CNTNAP4: variants seen among roughly 807,000 people sequenced by gnomAD.
CNTNAP4 encodes contactin associated protein family member 4, also known as contactin-associated protein-like 4.
A neutral mutation model predicts 148.4 loss-of-function variants in CNTNAP4; 98 were observed. The observed-to-expected ratio is 0.66, with a 90% CI of 0.56 to 0.78. The LOEUF is 0.78. Among genes scored for constraint, CNTNAP4 ranks in the 30% least tolerant of loss-of-function variants. The pLI is 0.00. For synonymous variants in CNTNAP4, 730 were observed against 565.1 expected (o/e 1.29, Z -4.14); for missense variants, 1,935 against 1,565.6 (o/e 1.24, Z -3.98).
chr16:76,493,468 A>T (rs577053699), intron 13 of CNTNAP4, among the ~76,000 whole-genome samples: 1 of 118,384 alleles, frequency 8.4e-6, no homozygotes, highest in East Asian at 2.9e-4. Context: ...TCATTCCTTT[A>T]CTTATTTAAA....
chr16:76,318,451 A>G (rs1216587564), intron 2 of CNTNAP4, among the ~76,000 whole-genome samples: 1 of 152,092 alleles, frequency 6.6e-6, no homozygotes, highest in Non-Finnish European at 1.5e-5. Flanking sequence ...AAAACACAAT[A>G]TCAAACTTCA....
intron 16 of CNTNAP4, 74 bp downstream of exon 16, chr16:76,521,384 T>A: frequency 8.3e-7 from 1 of 1,198,668 alleles, no homozygotes; most frequent in Non-Finnish European, 1.2e-6. Context: ...ATTTTTAAAC[T>A]ACTCATGTGT....
chr16:76,320,674 G>T (rs1962311713), intron 2 of CNTNAP4, among the ~76,000 whole-genome samples: 1 of 152,140 alleles, frequency 6.6e-6, no homozygotes, highest in Non-Finnish European at 1.5e-5. Flanking sequence ...TGTTGTCAAT[G>T]TAGAGTTCAA....
chr16:76,423,750 C>T (rs2079275497), intron 3 of CNTNAP4, among the ~76,000 whole-genome samples: 2 of 151,974 alleles, frequency 1.3e-5, no homozygotes, highest in Admixed American at 1.3e-4. Context: ...AAAATTTCAA[C>T]AAGTGGAGCA....
chr16:76,318,046 T>A (rs1961990265), intron 2 of CNTNAP4, among the ~76,000 whole-genome samples: 1 of 152,182 alleles, frequency 6.6e-6, no homozygotes, highest in Non-Finnish European at 1.5e-5. Flanking sequence ...TCTTTGCAAT[T>A]CTGAGTCCCT....
At chr16:76,315,533 TA>T (rs1396337024) in intron 1 of CNTNAP4, among the ~76,000 whole-genome samples, 3 of 152,244 alleles carry the variant, frequency 2.0e-5, no homozygotes, top group Non-Finnish European at 4.4e-5. Context: ...TATCCTTTTG[TA>T]GTCCCAGTTT....
At chr16:76,370,936 T>A (rs2014743051) in intron 3 of CNTNAP4, among the ~76,000 whole-genome samples, 1 of 150,632 alleles carries the variant, frequency 6.6e-6, no homozygotes, top group South Asian at 2.1e-4. Context: ...AGCGCTCTTC[T>A]GTCCTGGTAA....
In CNTNAP4 at chr16:76,558,822, G is replaced by A; in HGVS notation, c.*139G>A. 1.7e-6 allele frequency: 1 copy of A among 596,442 alleles called. No homozygotes were observed. Among genetic ancestry groups the A allele is most frequent in the Non-Finnish European group, 2.8e-6 (1 of 355,064 alleles). The allele number at this position is 596,442 out of a possible 1,614,324, so 36.9% of individuals were successfully genotyped here. A position where few individuals can be genotyped will look rare whatever the true frequency, so the allele number is the denominator to read the frequency against. ...TGCCATCTTGCCATGTACAGGCTTG[G>A]GGTGGCTCCAGGAAGCCTCGTCCAG... On this transcript the variant is annotated 3_prime_UTR_variant, in exon 24 of 24. Transcript: ENST00000611870.
chr16:76,558,581 G>C lies in CNTNAP4; in HGVS notation c.3825G>C (p.Glu1275Asp). ...YQQKRLYKRS[E>D]AKRSENVDSA... ...AGAAAAGGTTATATAAAAGAAGTGA[G>C]GCAAAAAGGTCAGAGAATGTAGACA... Residue 1275 changes from glutamate (E) to aspartate (D), a missense_variant, in exon 24 of 24, where the codon GAG becomes GAC. Coordinates refer to ENST00000611870, the MANE Select transcript of CNTNAP4 (RefSeq NM_033401.5). 1 of 1,612,892 alleles carries C rather than the reference G, an allele frequency of 6.2e-7. No homozygotes were observed. The highest frequency in any genetic ancestry group is 8.5e-7 in the Non-Finnish European group (1 of 1,179,070).
intron 4 of CNTNAP4, among the ~76,000 whole-genome samples, chr16:76,428,568 T>A (rs2079499737): frequency 6.6e-6 from 1 of 152,100 alleles, no homozygotes; most frequent in African/African-American, 2.4e-5. Flanking sequence ...TCAAGTGACT[T>A]GTTGAAGTTG....
At chr16:76,498,459 T>C in intron 14 of CNTNAP4, 108 bp from the exon 15 acceptor site, 1 of 748,808 alleles carries the variant, frequency 1.3e-6, no homozygotes, top group Non-Finnish European at 2.2e-6. Flanking sequence ...AGTGACTGGA[T>C]CCATACTCTT....
chr16:76,280,345 T>A (rs183034597), intron 1 of CNTNAP4, among the ~76,000 whole-genome samples: 1 of 152,264 alleles, frequency 6.6e-6, no homozygotes. Flanking sequence ...TTAGAAGGAT[T>A]CTGTTCAAAG....
At chr16:76,383,444 G>A (rs977485704) in intron 3 of CNTNAP4, among the ~76,000 whole-genome samples, 2 of 148,318 alleles carry the variant, frequency 1.3e-5, no homozygotes, top group East Asian at 3.9e-4. Context: ...GGAACAATGA[G>A]CAAGGTGGGA....
At chr16:76,503,583 G>T (rs2082730845) in intron 15 of CNTNAP4, among the ~76,000 whole-genome samples, 1 of 152,020 alleles carries the variant, frequency 6.6e-6, no homozygotes, top group Non-Finnish European at 1.5e-5. Flanking sequence ...CAATGTGCAG[G>T]TTTGTTACAT....
At chr16:76,383,750 A>C (rs140860843) in intron 3 of CNTNAP4, among the ~76,000 whole-genome samples, 156 of 152,290 alleles carry the variant, frequency 1.0e-3, no homozygotes, top group African/African-American at 3.6e-3. Context: ...TGAGATATTT[A>C]CGCATGAAAT....
chr16:76,522,206 G>T lies in CNTNAP4; in HGVS notation c.2704G>T (p.Ala902Ser). ...TCAGCTGACACCAAAGACACAGCCC[G>T]CCCCCGCTGATGGGCATGTCCTGTT... ...VDQLTPKTQP[A>S]PADGHVLLQL... Residue 902 changes from alanine to serine, a missense_variant, in exon 17 of 24, where the codon GCC becomes TCC. Physicochemically the swap from Ala to Ser is moderately conservative, Grantham distance 99. Coordinates refer to ENST00000611870, the MANE Select transcript of CNTNAP4 (RefSeq NM_033401.5). The T allele has an allele frequency of 6.2e-7, 1 of 1,613,882 alleles. No homozygotes were observed. Among genetic ancestry groups the T allele is most frequent in the South Asian group, 1.1e-5 (1 of 91,086 alleles).
intron 8 of CNTNAP4, among the ~76,000 whole-genome samples, chr16:76,455,606 G>C (rs938280024): frequency 3.3e-5 from 5 of 152,140 alleles, no homozygotes; most frequent in Non-Finnish European, 7.3e-5. Context: ...TTTTCATCTT[G>C]ACAAGAGCTA....
At chr16:76,525,941 A>G (rs1322076092) in intron 17 of CNTNAP4, among the ~76,000 whole-genome samples, 1 of 151,128 alleles carries the variant, frequency 6.6e-6, no homozygotes, top group African/African-American at 2.4e-5. Flanking sequence ...TATAGTTCAT[A>G]TATGGTTATA....
chr16:76,551,404 A>AT (rs1555604334), intron 21 of CNTNAP4, among the ~76,000 whole-genome samples: 43,045 of 138,988 alleles, frequency 0.31, 6,407 homozygotes, highest in Middle Eastern at 0.44. Context: ...TTAAAAAAAA[A>AT]ATATATATAT....
Sources: gnomAD v4.1 joint callset for allele counts (sites outside exome capture counted in the v4.1 genomes callset) on GRCh38, gnomAD v4.1.1 for gene constraint, MANE v1.5 for transcripts, NCBI Gene and HGNC (gene_info 2026-07-23, HGNC 2026-07-21) for gene names.